Variants in COLEC12 observed in about 807,000 individuals in gnomAD.
The protein encoded by COLEC12 is collectin-12.
COLEC12 carries 33 observed loss-of-function variants against 71.1 expected under a neutral mutation model. The observed-to-expected ratio is 0.46, with a 90% CI of 0.35 to 0.62. COLEC12 has a LOEUF of 0.62. Ranked by LOEUF, COLEC12 falls within the 20% of genes least tolerant of loss-of-function variation. The pLI, the probability that COLEC12 is intolerant of heterozygous loss-of-function variation, is 0.00. For missense variants in COLEC12, 765 were observed against 916.1 expected (o/e 0.84, Z 2.13); for synonymous variants, 350 against 353.0 (o/e 0.99, Z 0.10).
At chr18:457,100 C>T (rs1022620134) in intron 2 of COLEC12, among the ~76,000 whole-genome samples, 4 of 152,208 alleles carry the variant, frequency 2.6e-5, no homozygotes, top group Admixed American at 2.6e-4. Context: ...ACTGCTCTTC[C>T]TCTTAATTAA....
chr18:363,878 A>C (rs1340260355), intron 2 of COLEC12, among the ~76,000 whole-genome samples: 3 of 152,338 alleles, frequency 2.0e-5, no homozygotes, highest in Non-Finnish European at 4.4e-5. Context: ...TGGACACCTT[A>C]CTATGCCAAG....
chr18:372,628 G>A (rs919782683), intron 2 of COLEC12, among the ~76,000 whole-genome samples: 2 of 152,006 alleles, frequency 1.3e-5, no homozygotes, highest in East Asian at 1.9e-4. Flanking sequence ...ATATTGCCCC[G>A]GCTGGTCTCA....
chr18:352,535 C>A (rs898103045), intron 3 of COLEC12, among the ~76,000 whole-genome samples: 1 of 152,082 alleles, frequency 6.6e-6, no homozygotes, highest in African/African-American at 2.4e-5. Context: ...AATCTGTCGA[C>A]GTTTTCTTCT....
chr18:417,887 G>A (rs917868104), intron 2 of COLEC12, among the ~76,000 whole-genome samples: 3 of 152,188 alleles, frequency 2.0e-5, no homozygotes, highest in African/African-American at 4.8e-5. Flanking sequence ...CTGGTGGCTT[G>A]AAACTTTTGC....
intron 9 of COLEC12, among the ~76,000 whole-genome samples, chr18:320,299 C>T (rs890631688): frequency 1.4e-4 from 22 of 152,312 alleles, no homozygotes; most frequent in Admixed American, 1.4e-3. Flanking sequence ...CTGGTCCCTA[C>T]TCAAATCCCA....
Position 331,775 on chromosome 18 carries a change from T to C in COLEC12, c.1956A>G (p.Gln652=), listed in dbSNP as rs769135816. The part of the protein sequence containing the change: ...LVFINTREEQ[Q]WIKKQMVGRE... ...TCCCTACCATCTGTTTTTTTATCCA[T>C]TGCTGAAAAACAAAGCAGGGGTGGT... The change falls in exon 8 of 10, where the codon CAA becomes CAG. Residue 652 remains glutamine, a splice_region_variant and synonymous_variant. Transcript: ENST00000400256. The C allele has an allele frequency of 6.2e-6, 10 of 1,606,282 alleles. No homozygotes were observed. The highest frequency in any genetic ancestry group is 2.2e-5 in the East Asian group (1 of 44,864).
intron 5 of COLEC12, among the ~76,000 whole-genome samples, chr18:336,812 T>A (rs1314957150): frequency 6.6e-6 from 1 of 152,104 alleles, no homozygotes; most frequent in Non-Finnish European, 1.5e-5. Flanking sequence ...CATGAATAAG[T>A]AAAAGGCCAC....
chr18:445,158 C>A (rs1459116974), intron 2 of COLEC12, among the ~76,000 whole-genome samples: 2 of 152,118 alleles, frequency 1.3e-5, no homozygotes. Flanking sequence ...ATACGGAGAA[C>A]TGACTGAAAT....
At chr18:474,999 G>C (rs555792562) in intron 2 of COLEC12, among the ~76,000 whole-genome samples, 3 of 152,060 alleles carry the variant, frequency 2.0e-5, no homozygotes, top group Admixed American at 6.5e-5. Context: ...ACTTGAACCC[G>C]GGAGGCGGAG....
At position 319,335 on chromosome 18, in the gene COLEC12, A is replaced by ATAT. The variant is rs1354755711; in HGVS notation, c.*709_*710insATA. On this transcript the variant is annotated 3_prime_UTR_variant, in exon 10 of 10. Coordinates refer to ENST00000400256, the MANE Select transcript of COLEC12 (RefSeq NM_130386.3). Reference sequence around the variant, plus strand: ...AAATGAAACATTAAAAAAAAAAAAAAAAAAAAATATATATATATATATATA... The same window carrying ATAT: ...AAATGAAACATTAAAAAAAAAAAAAATATAAAAAAATATATATATATATATATA... The ATAT allele has an allele frequency of 1.7e-3, 72 of 41,994 alleles. No individual in the cohort carries two copies. The highest frequency in any genetic ancestry group is 3.1e-3 in the South Asian group (3 of 958). 2.6% of individuals were successfully genotyped at this position (41,994 alleles called of 1,614,324 possible). A position where few individuals can be genotyped will look rare whatever the true frequency, so the allele number is the denominator to read the frequency against.
intron 2 of COLEC12, among the ~76,000 whole-genome samples, chr18:401,254 T>A (rs1915680454): frequency 6.6e-6 from 1 of 152,234 alleles, no homozygotes; most frequent in African/African-American, 2.4e-5. Flanking sequence ...TTTAGGAATA[T>A]AAAATCAGTT....
intron 2 of COLEC12, among the ~76,000 whole-genome samples, chr18:454,046 C>A (rs1451032487): frequency 6.6e-6 from 1 of 152,240 alleles, no homozygotes; most frequent in African/African-American, 2.4e-5. Flanking sequence ...CTTCAGCAGT[C>A]AGAGTGGGTT....
intron 3 of COLEC12, among the ~76,000 whole-genome samples, chr18:353,791 A>C (rs1302017331): frequency 6.6e-6 from 1 of 152,226 alleles, no homozygotes; most frequent in Non-Finnish European, 1.5e-5. Flanking sequence ...ACTCCTCTGG[A>C]ATTTAATAAA....
intron 2 of COLEC12, among the ~76,000 whole-genome samples, chr18:457,633 C>T (rs1407595759): frequency 1.3e-5 from 2 of 152,176 alleles, no homozygotes; most frequent in Middle Eastern, 3.2e-3. Flanking sequence ...TGGATGCCCA[C>T]AAAGCCTGGT....
Position 473,033 on chromosome 18 carries a change from T to C in COLEC12, c.58+7674A>G, listed in dbSNP as rs144928082. On this transcript the variant is annotated intron_variant, in intron 2 of 9. Transcript: ENST00000400256. ...TTTTATAATATCAATATATAGAATA[T>C]CAATAATAAAATATCAATCCTCCAA... is the stretch of plus-strand genomic sequence containing the variant. Among the ~76,000 whole-genome samples the C allele has an allele frequency of 2.7e-3, 409 of 152,136 alleles. 3 individuals carry two copies. Among genetic ancestry groups the C allele is most frequent in the African/African-American group, 9.3e-3 (388 of 41,506 alleles).
chr18:389,171 G>C (rs1915406625), intron 2 of COLEC12, among the ~76,000 whole-genome samples: 1 of 150,158 alleles, frequency 6.7e-6, no homozygotes, highest in Non-Finnish European at 1.5e-5. Flanking sequence ...AAAAGTAGGG[G>C]ATATAAAAAA....
intron 2 of COLEC12, among the ~76,000 whole-genome samples, chr18:445,346 A>G (rs1361486924): frequency 6.6e-6 from 1 of 152,166 alleles, no homozygotes; most frequent in Non-Finnish European, 1.5e-5. Flanking sequence ...TGTTGCCTAT[A>G]TTTGCAACAC....
chr18:422,450 A>G (rs1034768384), intron 2 of COLEC12, among the ~76,000 whole-genome samples: 5 of 152,152 alleles, frequency 3.3e-5, no homozygotes, highest in African/African-American at 1.2e-4. Context: ...TATTTGTTAA[A>G]CATTGAATAA....
At chr18:406,540 A>AAAAG (rs1915793417) in intron 2 of COLEC12, among the ~76,000 whole-genome samples, 1 of 145,914 alleles carries the variant, frequency 6.9e-6, no homozygotes, top group African/African-American at 2.5e-5. Context: ...AAAAAAAAAA[A>AAAAG]GGGCAACCAG....
Sources: allele counts gnomAD v4.1 joint callset (sites outside exome capture counted in the v4.1 genomes callset), GRCh38; gene constraint gnomAD v4.1.1; transcripts MANE v1.5; gene names NCBI Gene and HGNC (gene_info 2026-07-23, HGNC 2026-07-21).